SCAI: variants seen among roughly 807,000 people sequenced by gnomAD.
The protein encoded by SCAI is suppressor of cancer cell invasion, also known as protein SCAI.
A neutral mutation model predicts 92.2 loss-of-function variants in SCAI; 24 were observed. The observed-to-expected ratio is 0.26, with a 90% confidence interval of 0.19 to 0.37. The LOEUF (loss-of-function observed/expected upper bound fraction) is 0.37, where lower values mean the gene tolerates loss of function less well. SCAI is among the 10% of genes least tolerant of loss of function. The pLI is 1.00. For missense variants in SCAI, 450 were observed against 736.2 expected (o/e 0.61, Z 4.50); for synonymous variants, 261 against 258.6 (o/e 1.01, Z -0.09).
intron 2 of SCAI, among the ~76,000 whole-genome samples, chr9:125,084,669 C>T (rs1394309752): frequency 6.6e-6 from 1 of 152,186 alleles, no homozygotes; most frequent in Admixed American, 6.6e-5. Flanking sequence ...CCTGCAACCC[C>T]TTCAGGATTT....
chr9:124,955,887 C>CATA (rs1296710584), intron 17 of SCAI, among the ~76,000 whole-genome samples: 1 of 152,086 alleles, frequency 6.6e-6, no homozygotes, highest in African/African-American at 2.4e-5. Flanking sequence ...TAACAGAATG[C>CATA]ATAAACAGCC....
At chr9:124,968,301 T>A in intron 17 of SCAI, 1 of 1,200,596 alleles carries the variant, frequency 8.3e-7, no homozygotes, top group Non-Finnish European at 1.2e-6. Context: ...GCATCAAGCG[T>A]CTTCTCCAGA....
chr9:125,049,425 C>A (rs1266077308), intron 3 of SCAI, among the ~76,000 whole-genome samples: 2 of 152,208 alleles, frequency 1.3e-5, no homozygotes, highest in Non-Finnish European at 2.9e-5. Context: ...CAACCAGAAC[C>A]CTGCAAGCAC....
At chr9:125,137,895 CT>C (rs1268808768) in intron 2 of SCAI, among the ~76,000 whole-genome samples, 4 of 152,176 alleles carry the variant, frequency 2.6e-5, no homozygotes, top group Non-Finnish European at 5.9e-5. Flanking sequence ...AGCCACCACG[CT>C]TGGCCAAGAA....
intron 2 of SCAI, among the ~76,000 whole-genome samples, chr9:125,061,251 C>T (rs1000171644): frequency 2.6e-5 from 4 of 152,106 alleles, no homozygotes; most frequent in South Asian, 2.1e-4. Context: ...GAGCAGAGAT[C>T]GCGCGACTGC....
intron 2 of SCAI, among the ~76,000 whole-genome samples, chr9:125,056,391 G>A (rs1426421212): frequency 6.6e-6 from 1 of 152,154 alleles, no homozygotes. Flanking sequence ...GCTTGACCCA[G>A]GGAGGCGGAG....
At chr9:124,996,286 G>A (rs1452247742) in intron 13 of SCAI, among the ~76,000 whole-genome samples, 1 of 152,060 alleles carries the variant, frequency 6.6e-6, no homozygotes, top group Admixed American at 6.6e-5. Flanking sequence ...AGAAAATTTC[G>A]AGTAAACAAC....
chr9:125,018,780 T>C lies in SCAI; in HGVS notation c.861+19A>G, dbSNP rs201617368. The stretch of plus-strand genomic sequence containing the variant: ...TTTTCACAGTGAATTTTAAGCATAA[T>C]TCCTTCACAATTCTTTACCTGATTA... On this transcript the variant is annotated intron_variant, in intron 9 of 17. Transcript: ENST00000336505. 6.6e-4 allele frequency: 1,043 copies of C among 1,590,322 alleles called. 3 individuals are homozygous for C. Among genetic ancestry groups the C allele is most frequent in the Non-Finnish European group, 8.4e-4 (981 of 1,166,832 alleles).
intron 2 of SCAI, among the ~76,000 whole-genome samples, chr9:125,138,472 T>C (rs1588258132): frequency 6.6e-6 from 1 of 151,820 alleles, no homozygotes; most frequent in African/African-American, 2.4e-5. Flanking sequence ...TGGAGTGCAG[T>C]GGTATGAGCT....
At chr9:125,065,014 G>T (rs963619732) in intron 2 of SCAI, among the ~76,000 whole-genome samples, 1 of 152,030 alleles carries the variant, frequency 6.6e-6, no homozygotes, top group Non-Finnish European at 1.5e-5. Context: ...GAGAGAAATG[G>T]CTGGCCTTTA....
At chr9:125,024,647 T>G (rs1832934351) in intron 6 of SCAI, among the ~76,000 whole-genome samples, 1 of 152,130 alleles carries the variant, frequency 6.6e-6, no homozygotes, top group East Asian at 1.9e-4. Flanking sequence ...GGCTCCCTAC[T>G]TACAAGACAC....
intron 17 of SCAI, chr9:124,968,923 A>C: frequency 2.4e-6 from 1 of 411,286 alleles, no homozygotes; most frequent in Admixed American, 4.0e-5. Context: ...AATCTCCAAA[A>C]TTTTTCCAAT....
At chr9:124,984,056 T>C (rs1220794665) in intron 14 of SCAI, among the ~76,000 whole-genome samples, 3 of 152,152 alleles carry the variant, frequency 2.0e-5, no homozygotes, top group Non-Finnish European at 2.9e-5. Context: ...GGGAGGCATA[T>C]AATTTTAAGT....
chr9:125,074,360 G>A (rs1322003393), intron 2 of SCAI, among the ~76,000 whole-genome samples: 1 of 150,588 alleles, frequency 6.6e-6, no homozygotes, highest in Non-Finnish European at 1.5e-5. Context: ...AGGTTCAAGC[G>A]ATTCTCCTGC....
At chr9:124,953,844 T>C (rs1466915093) in intron 17 of SCAI, among the ~76,000 whole-genome samples, 2 of 152,376 alleles carry the variant, frequency 1.3e-5, no homozygotes, top group East Asian at 3.9e-4. Flanking sequence ...AACTTCTCTC[T>C]ACCTATAGGA....
intron 17 of SCAI, among the ~76,000 whole-genome samples, chr9:124,959,896 T>C (rs917276568): frequency 6.6e-6 from 1 of 152,124 alleles, no homozygotes; most frequent in African/African-American, 2.4e-5. Context: ...TAGTATTCCA[T>C]GGTGTATATG....
At chr9:125,137,763 G>T (rs1835570903) in intron 2 of SCAI, among the ~76,000 whole-genome samples, 1 of 152,020 alleles carries the variant, frequency 6.6e-6, no homozygotes, top group Admixed American at 6.6e-5. Context: ...ACCATGCCCG[G>T]CTAATTTTTT....
intron 2 of SCAI, among the ~76,000 whole-genome samples, chr9:125,097,470 A>G (rs1291600357): frequency 2.0e-5 from 3 of 152,152 alleles, no homozygotes; most frequent in African/African-American, 7.2e-5. Flanking sequence ...AAGTAAATAA[A>G]TTAAATCATT....
chr9:124,991,120 A>G (rs961398814), intron 14 of SCAI, among the ~76,000 whole-genome samples: 1 of 152,172 alleles, frequency 6.6e-6, no homozygotes, highest in Admixed American at 6.5e-5. Flanking sequence ...TGGAAGGCCG[A>G]GGTGGGTGGA....
Sources: allele counts gnomAD v4.1 joint callset (sites outside exome capture counted in the v4.1 genomes callset), GRCh38; gene constraint gnomAD v4.1.1; transcripts MANE v1.5; gene names NCBI Gene and HGNC (gene_info 2026-07-23, HGNC 2026-07-21).